PPP1R10: variants seen among roughly 807,000 people sequenced by gnomAD.
The protein encoded by PPP1R10 is protein phosphatase 1 regulatory subunit 10.
PPP1R10 carries 15 observed loss-of-function variants against 99.0 expected under a neutral mutation model. That is an observed-to-expected ratio of 0.15 (90% CI 0.10 to 0.23). The LOEUF (loss-of-function observed/expected upper bound fraction) is 0.23, where lower values mean the gene tolerates loss of function less well. Among genes scored for constraint, PPP1R10 ranks in the 10% least tolerant of loss-of-function variants. The pLI, the probability that PPP1R10 is intolerant of heterozygous loss-of-function variation, is 1.00. For missense variants in PPP1R10, 947 were observed against 1,259.4 expected (o/e 0.75, Z 3.75); for synonymous variants, 430 against 449.5 (o/e 0.96, Z 0.55).
chr6:30,603,930 C>A (rs1003886033), intron 14 of PPP1R10, 78 bp downstream of exon 14: 32 of 1,522,562 alleles, frequency 2.1e-5, no homozygotes, highest in Non-Finnish European at 2.7e-5. Flanking sequence ...ACCTCCACCC[C>A]GTAATTACCC....
rs750124216 is a variant in PPP1R10, at chr6:30,601,556, A to AG, written c.2815dup (p.Leu939ProfsTer62). On this transcript the variant is annotated frameshift_variant, in exon 20 of 20. Coordinates refer to ENST00000376511, the MANE Select transcript of PPP1R10 (RefSeq NM_002714.4). LOFTEE classifies it high-confidence loss of function. ...AGGGCAGGCAAATGGTCCCTAGGGC[A>AG]GGGGGGGCCCATTGACACCCGGGTG... The AG allele has an allele frequency of 6.2e-7, 1 of 1,613,256 alleles. No homozygotes were observed.
chr6:30,610,836 T>C (rs1804480402), intron 2 of PPP1R10, among the ~76,000 whole-genome samples: 7 of 152,190 alleles, frequency 4.6e-5, no homozygotes. Flanking sequence ...AGCCAAATGC[T>C]AGAAAAATTC....
At chr6:30,608,460 CCTGG>C (rs932597117) in intron 5 of PPP1R10, among the ~76,000 whole-genome samples, 20 of 152,226 alleles carry the variant, frequency 1.3e-4, no homozygotes, top group Non-Finnish European at 2.2e-4. Context: ...TGCCACCATG[CCTGG>C]CTAATTTTTT....
rs1487835421 is a variant in PPP1R10, at chr6:30,616,690, TTC to T, written c.-226_-225del. 5 of 151,960 alleles carry T rather than the reference TTC, an allele frequency of 3.3e-5. No homozygotes were observed. The highest frequency in any genetic ancestry group is 7.4e-5 in the Non-Finnish European group (5 of 67,986). The allele number at this position is 151,960 out of a possible 1,614,324, so 9.4% of individuals were successfully genotyped here. On this transcript the variant is annotated 5_prime_UTR_variant, in exon 2 of 20. Coordinates refer to ENST00000376511, the MANE Select transcript of PPP1R10 (RefSeq NM_002714.4). ...TAGGGAGGGGGGTCGCAGAAAAAAG[TTC>T]TGAGTGGATTCAAAAAAGTAAACGC...
At position 30,604,650 on chromosome 6, in the gene PPP1R10, A is replaced by G. The variant is rs894851610; in HGVS notation, c.1040T>C (p.Met347Thr). The G allele has an allele frequency of 2.5e-6, 4 of 1,612,968 alleles. No homozygotes were observed. The highest frequency in any genetic ancestry group is 3.4e-6 in the Non-Finnish European group (4 of 1,180,014). ...CGGGGTGCCTGGACGGTCTGCGTCC[A>G]TTGCCTCAGAAGGTGGTGCTGGTTC... ...SPEPAPPSEA[M>T]DADRPGTPVP... The change falls in exon 12 of 20, where the codon ATG (methionine) becomes ACG (threonine). Residue 347 changes from methionine (M) to threonine (T), a missense_variant. Around this residue, in one of 10 missense-constraint regions of PPP1R10, gnomAD observed 100 missense variants for 105.8 expected, o/e 0.94. Coordinates refer to ENST00000376511, the MANE Select transcript of PPP1R10 (RefSeq NM_002714.4). This position sits in a 1 kb window ranked among gnomAD's most constrained non-coding sequence, Gnocchi z 7.3.
rs1277680483 is a variant in PPP1R10 at position 30,616,700 on chromosome 6, A to C, written c.-234T>G. On this transcript the variant is annotated 5_prime_UTR_variant, in exon 2 of 20. Transcript: ENST00000376511. ...GGTCGCAGAAAAAAGTTCTGAGTGGATTCAAAAAAGTAAACGCTGGATGAG... is the reference window on the plus strand; with the variant it reads ...GGTCGCAGAAAAAAGTTCTGAGTGGCTTCAAAAAAGTAAACGCTGGATGAG... 1 of 152,138 alleles carries C rather than the reference A, an allele frequency of 6.6e-6. No individual in the cohort carries two copies. The highest frequency in any genetic ancestry group is 2.4e-5 in the African/African-American group (1 of 41,418). 9.4% of individuals were successfully genotyped at this position (152,138 alleles called of 1,614,324 possible).
At chr6:30,612,300 T>C (rs1173935474) in intron 2 of PPP1R10, among the ~76,000 whole-genome samples, 1 of 152,168 alleles carries the variant, frequency 6.6e-6, no homozygotes, top group East Asian at 1.9e-4. Context: ...AGCCAATAAA[T>C]AGACCTACTA....
rs762674150 is a variant in PPP1R10 at position 30,602,701 on chromosome 6, G to A, written c.1958-10C>T. 2.5e-6 allele frequency: 4 copies of A among 1,604,660 alleles called. No individual in the cohort carries two copies. Among genetic ancestry groups the A allele is most frequent in the East Asian group, 2.2e-5 (1 of 44,656 alleles). ...GGGCCTCCATGGGGACCTGTAAGGGGACAAAAAAGAGAGACAGTATCAGCT... is the reference window on the plus strand; with the variant it reads ...GGGCCTCCATGGGGACCTGTAAGGGAACAAAAAAGAGAGACAGTATCAGCT... On this transcript the variant is annotated splice_polypyrimidine_tract_variant and intron_variant, in intron 18 of 19. Coordinates refer to ENST00000376511, the MANE Select transcript of PPP1R10 (RefSeq NM_002714.4). This position sits in a 1 kb window ranked among gnomAD's most constrained non-coding sequence, Gnocchi z 6.7.
intron 2 of PPP1R10, among the ~76,000 whole-genome samples, chr6:30,611,552 T>C (rs1347406860): frequency 6.6e-6 from 1 of 152,212 alleles, no homozygotes; most frequent in Non-Finnish European, 1.5e-5. Flanking sequence ...GCAAATTAGT[T>C]CTACTTGTTC....
In PPP1R10 at chr6:30,601,447, G is replaced by T; in HGVS notation, c.*102C>A. On this transcript the variant is annotated 3_prime_UTR_variant, in exon 20 of 20. Transcript: ENST00000376511. Reference sequence around the variant, plus strand: ...AACTGAGGGGGCCGGCTCCTCATCAGCTGGGGAAAAGGGAAAATGGGCCTC... The same window carrying T: ...AACTGAGGGGGCCGGCTCCTCATCATCTGGGGAAAAGGGAAAATGGGCCTC... 1 of 1,017,038 alleles carries T rather than the reference G, an allele frequency of 9.8e-7. No individual in the cohort carries two copies. The highest frequency in any genetic ancestry group is 1.5e-6 in the Non-Finnish European group (1 of 679,172). The allele number at this position is 1,017,038 out of a possible 1,614,324, so 63.0% of individuals were successfully genotyped here.
In PPP1R10 at chr6:30,602,837, A is replaced by C; in HGVS notation, c.1957+9T>G. 6.4e-7 allele frequency: 1 copy of C among 1,551,882 alleles called. No homozygotes were observed. The highest frequency in any genetic ancestry group is 8.7e-7 in the Non-Finnish European group (1 of 1,146,172). On this transcript the variant is annotated intron_variant, in intron 18 of 19. Transcript: ENST00000376511. This position sits in a 1 kb window ranked among gnomAD's most constrained non-coding sequence, Gnocchi z 6.7. ...ATAAGCCCATTCCAACCTTTTACTCACCACCTACCTGGCATAGGTCCCCCA... is the reference window on the plus strand; with the variant it reads ...ATAAGCCCATTCCAACCTTTTACTCCCCACCTACCTGGCATAGGTCCCCCA...
rs772123380 is a variant in PPP1R10, at chr6:30,616,044, TCACA to T, written c.-12+430_-12+433del. The stretch of plus-strand genomic sequence containing the variant: ...CAAATTGAAAGGCACCCTGCTTGTC[TCACA>T]CACAAAGAAGTGGTACTTCTGGGCC... On this transcript the variant is annotated intron_variant, in intron 2 of 19. Transcript: ENST00000376511. Among the ~76,000 whole-genome samples the T allele has an allele frequency of 2.6e-5, 4 of 152,348 alleles. No individual in the cohort carries two copies. The South Asian group carries it at 6.2e-4, about 24-fold the overall frequency.
In PPP1R10 at chr6:30,602,427, G is replaced by A. The variant is rs1386881486; in HGVS notation, c.2222C>T (p.Pro741Leu). 2 of 1,608,560 alleles carry A rather than the reference G, an allele frequency of 1.2e-6. No individual in the cohort carries two copies. Among genetic ancestry groups the A allele is most frequent in the Non-Finnish European group, 1.7e-6 (2 of 1,176,972 alleles). Residue 741 changes from proline (P) to leucine (L), a missense_variant, in exon 19 of 20, where the codon CCT (proline) becomes CTT (leucine). Coordinates refer to ENST00000376511, the MANE Select transcript of PPP1R10 (RefSeq NM_002714.4). The surrounding 1 kb of genome is among the most constrained non-coding windows in gnomAD (Gnocchi z 6.7). ...GGGPPNGRGG[P>L]GGGMVGGGGH... is the part of the protein sequence containing the mutation. ...ACCACCTCCAACCATGCCCCCACCA[G>A]GGCCCCCTCGTCCATTTGGGGGTCC...
At position 30,600,926 on chromosome 6, in the gene PPP1R10, C is replaced by G. The variant is rs149134091; in HGVS notation, c.*623G>C. The G allele has an allele frequency of 6.5e-6, 1 of 152,928 alleles. No homozygotes were observed. Among genetic ancestry groups the G allele is most frequent in the East Asian group, 1.9e-4 (1 of 5,186 alleles). 9.5% of individuals were successfully genotyped at this position (152,928 alleles called of 1,614,324 possible). On this transcript the variant is annotated 3_prime_UTR_variant, in exon 20 of 20. Coordinates refer to ENST00000376511, the MANE Select transcript of PPP1R10 (RefSeq NM_002714.4). Reference sequence around the variant, plus strand: ...ATCATCGAACCTAGCAGACCCAGGACGCAGACTGGGTGTTCACAGAAAGTT... The same window carrying G: ...ATCATCGAACCTAGCAGACCCAGGAGGCAGACTGGGTGTTCACAGAAAGTT...
In PPP1R10 at chr6:30,601,924, GA is replaced by G; in HGVS notation, c.2713+11del. 6.7e-7 allele frequency: 1 copy of G among 1,499,042 alleles called. No homozygotes were observed. The highest frequency in any genetic ancestry group is 8.9e-7 in the Non-Finnish European group (1 of 1,126,094). 92.9% of individuals were successfully genotyped at this position (1,499,042 alleles called of 1,614,324 possible). On this transcript the variant is annotated intron_variant, in intron 19 of 19. Transcript: ENST00000376511. ...AACCAAAAGGCATATGGGGGACAGGGAGCATCCTCACCTCCTCCATGGCTGT... is the reference window on the plus strand; with the variant it reads ...AACCAAAAGGCATATGGGGGACAGGGGCATCCTCACCTCCTCCATGGCTGT...
Position 30,602,925 on chromosome 6 carries a change from G to A in PPP1R10, c.1878C>T (p.Ala626=). 6.4e-7 allele frequency: 1 copy of A among 1,554,680 alleles called. No homozygotes were observed. The highest frequency in any genetic ancestry group is 8.7e-7 in the Non-Finnish European group (1 of 1,148,226). ...CAGGACCCCCTGGTGGGAAACCATTGGCTATTGGGCCAGGGCCTAGGAGTC... is the reference window on the plus strand; with the variant it reads ...CAGGACCCCCTGGTGGGAAACCATTAGCTATTGGGCCAGGGCCTAGGAGTC... ...PHGLLGPGPI[A]NGFPPGGPGG... Residue 626 remains alanine (A), a synonymous_variant, in exon 18 of 20, where the codon GCC becomes GCT. Coordinates refer to ENST00000376511, the MANE Select transcript of PPP1R10 (RefSeq NM_002714.4). This position sits in a 1 kb window ranked among gnomAD's most constrained non-coding sequence, Gnocchi z 6.7.
In PPP1R10 at chr6:30,601,566, C is replaced by A; in HGVS notation, c.2806G>T (p.Gly936Trp). 6.2e-7 allele frequency: 1 copy of A among 1,614,050 alleles called. No homozygotes were observed. Among genetic ancestry groups the A allele is most frequent in the Non-Finnish European group, 8.5e-7 (1 of 1,179,978 alleles). The change falls in exon 20 of 20, where the codon GGG becomes TGG. Residue 936 changes from glycine to tryptophan, a missense_variant. By Grantham distance (184) the Gly-to-Trp change is radical. Around this residue, in one of 10 missense-constraint regions of PPP1R10, gnomAD observed 17 missense variants for 46.4 expected, o/e 0.37. Transcript: ENST00000376511. ...NCAFYHPGVN[G>W]PPLP ...AATGGTCCCTAGGGCAGGGGGGGCC[C>A]ATTGACACCCGGGTGGTAGAAGGCA...
intron 5 of PPP1R10, 121 bp downstream of exon 5, chr6:30,608,658 A>G (rs990079735): frequency 7.1e-6 from 9 of 1,260,168 alleles, no homozygotes; most frequent in African/African-American, 1.5e-5. Context: ...CTAAATTCCT[A>G]TTTTTTTTCT....
chr6:30,608,967 T>C (rs1804264333), intron 4 of PPP1R10, 53 bp from the exon 5 acceptor site: 2 of 1,612,362 alleles, frequency 1.2e-6, no homozygotes, highest in Admixed American at 1.7e-5. Flanking sequence ...GTTTTGACAG[T>C]ACCACATCCT....
Sources: allele counts gnomAD v4.1 joint callset (sites outside exome capture counted in the v4.1 genomes callset), GRCh38; gene constraint gnomAD v4.1.1; regional missense constraint gnomAD v4.1.1; non-coding constraint Gnocchi (gnomAD v3.1); transcripts MANE v1.5; gene names NCBI Gene and HGNC (gene_info 2026-07-23, HGNC 2026-07-21).